Variants in COL6A3 observed in about 807,000 individuals in gnomAD.
COL6A3 encodes collagen type VI alpha 3 chain, also known as collagen alpha-3(VI) chain.
A neutral mutation model predicts 274.1 loss-of-function variants in COL6A3; 137 were observed. That is an observed-to-expected ratio of 0.50 (90% CI 0.44 to 0.58). COL6A3 has a LOEUF of 0.58. Ranked by LOEUF, COL6A3 falls within the 20% of genes least tolerant of loss-of-function variation. The pLI, the probability that COL6A3 is intolerant of heterozygous loss-of-function variation, is 0.00. For missense variants in COL6A3, 3,950 were observed against 4,124.9 expected (o/e 0.96, Z 1.16); for synonymous variants, 1,650 against 1,650.6 (o/e 1.00, Z 0.01).
In COL6A3 at chr2:237,394,799, T is replaced by G. The variant is rs781728804; in HGVS notation, c.497A>C (p.Lys166Thr). The change falls in exon 3 of 44, where the codon AAG (lysine) becomes ACG (threonine). Residue 166 changes from lysine to threonine, a missense_variant. Coordinates refer to ENST00000295550, the MANE Select transcript of COL6A3 (RefSeq NM_004369.4). ...DGLALPSAELKSADVNVFAIG... is the reference protein window; with the variant it reads ...DGLALPSAELTSADVNVFAIG... ...TGCAAACACGTTAACATCAGCAGAC[T>G]TAAGTTCCGCTGAGGGCAGAGCAAG... 14 of 1,614,184 alleles carry G rather than the reference T, an allele frequency of 8.7e-6. No homozygotes were observed. Among genetic ancestry groups the G allele is most frequent in the Non-Finnish European group, 1.2e-5 (14 of 1,180,024 alleles).
rs547463780 is a variant in COL6A3 at position 237,348,736 on chromosome 2, G to C, written c.6880-73C>G. On this transcript the variant is annotated intron_variant, in intron 28 of 43. Transcript: ENST00000295550. ...CCATAACCACCGTCTCTGCCCTGCCGCTGCCCCTGAGAAGTGGATCCTTGA... is the reference window on the plus strand; with the variant it reads ...CCATAACCACCGTCTCTGCCCTGCCCCTGCCCCTGAGAAGTGGATCCTTGA... 6 of 1,367,706 alleles carry C rather than the reference G, an allele frequency of 4.4e-6. No individual in the cohort carries two copies. In the African/African-American group the frequency reaches 8.5e-5, roughly 19 times the overall value. The allele number at this position is 1,367,706 out of a possible 1,614,324, so 84.7% of individuals were successfully genotyped here. A position where few individuals can be genotyped will look rare whatever the true frequency, so the allele number is the denominator to read the frequency against.
intron 26 of COL6A3, among the ~76,000 whole-genome samples, chr2:237,352,287 A>G (rs2077223050): frequency 6.6e-6 from 1 of 152,194 alleles, no homozygotes; most frequent in Non-Finnish European, 1.5e-5. Flanking sequence ...ACTTGGAAGG[A>G]GCAGAATTGA....
At position 237,367,311 on chromosome 2, in the gene COL6A3, A is replaced by T. The variant is rs757546361; in HGVS notation, c.4901-25T>A. ...TCTAGAAGTGATTAAAGTGAAAATAAGGAGAGATTAGGTTTCCAGACCCAG... is the reference window on the plus strand; with the variant it reads ...TCTAGAAGTGATTAAAGTGAAAATATGGAGAGATTAGGTTTCCAGACCCAG... On this transcript the variant is annotated intron_variant, in intron 10 of 43. Coordinates refer to ENST00000295550, the MANE Select transcript of COL6A3 (RefSeq NM_004369.4). The T allele has an allele frequency of 4.4e-6, 7 of 1,603,168 alleles. No homozygotes were observed. In the Admixed American group the frequency reaches 1.0e-4, roughly 24 times the overall value.
Position 237,413,589 on chromosome 2 carries a change from C to T in COL6A3, c.-31+364G>A, listed in dbSNP as rs751227365. On this transcript the variant is annotated intron_variant, in intron 1 of 43. Transcript: ENST00000295550. The surrounding 1 kb of genome is among the most constrained non-coding windows in gnomAD (Gnocchi z 4.0). Reference sequence around the variant, plus strand: ...GAGCTATGCTAGTCCTCAGCAAAGACGCTTCTGCAAACAAAGCGGATCCCG... The same window carrying T: ...GAGCTATGCTAGTCCTCAGCAAAGATGCTTCTGCAAACAAAGCGGATCCCG... Among the ~76,000 whole-genome samples, 17 of 152,130 alleles carry T rather than the reference C, an allele frequency of 1.1e-4. No homozygotes were observed. Among genetic ancestry groups the T allele is most frequent in the South Asian group, 2.1e-4 (1 of 4,828 alleles).
chr2:237,339,026 A>C lies in COL6A3; in HGVS notation c.8556T>G (p.Gly2852=). The C allele has an allele frequency of 6.2e-7, 1 of 1,613,748 alleles. No individual in the cohort carries two copies. Among genetic ancestry groups the C allele is most frequent in the Non-Finnish European group, 8.5e-7 (1 of 1,179,628 alleles). Residue 2852 remains glycine, a synonymous_variant, in exon 39 of 44, where the codon GGT becomes GGG. Transcript: ENST00000295550. ...DQPTKNLVKF[G]HKQVNVPNNV... The stretch of plus-strand genomic sequence containing the variant: ...TTATAATCACTTACACTTGTTTGTG[A>C]CCAAACTTCACAAGGTTCTTTGTGG...
At chr2:237,377,517 A>G (rs1415206955) in intron 6 of COL6A3, among the ~76,000 whole-genome samples, 173 bp from the exon 7 acceptor site, 1 of 152,174 alleles carries the variant, frequency 6.6e-6, no homozygotes, top group Non-Finnish European at 1.5e-5. Flanking sequence ...AAAATGTCCT[A>G]TTTCAAATCA....
chr2:237,351,221 T>C, intron 26 of COL6A3, 29 bp from the exon 27 acceptor site: 1 of 1,611,788 alleles, frequency 6.2e-7, no homozygotes, highest in Non-Finnish European at 8.5e-7. Context: ...AATGTGTCAG[T>C]GAAGTGGCCA....
intron 1 of COL6A3, among the ~76,000 whole-genome samples, chr2:237,403,270 G>T (rs2078638099): frequency 6.6e-6 from 1 of 152,102 alleles, no homozygotes; most frequent in African/African-American, 2.4e-5. Flanking sequence ...TGGGCCCTAG[G>T]CCTGACCCGC....
At position 237,333,367 on chromosome 2, in the gene COL6A3, A is replaced by ACTTAGC. The variant is rs370582838; in HGVS notation, c.9328+82_9328+83insGCTAAG. 6.3e-5 allele frequency: 84 copies of ACTTAGC among 1,325,786 alleles called. No homozygotes were observed. The African/African-American group carries it at 7.4e-4, about 12-fold the overall frequency. The allele number at this position is 1,325,786 out of a possible 1,614,324, so 82.1% of individuals were successfully genotyped here. ...CCATAGAAGTCATGCCTGGGCTAAG[A>ACTTAGC]CTTAGAACCCAGGAAGTTAAATTGG... is the stretch of plus-strand genomic sequence containing the variant. On this transcript the variant is annotated intron_variant, in intron 42 of 43. Coordinates refer to ENST00000295550, the MANE Select transcript of COL6A3 (RefSeq NM_004369.4).
intron 1 of COL6A3, among the ~76,000 whole-genome samples, chr2:237,410,351 G>A (rs902169418): frequency 6.8e-6 from 1 of 147,604 alleles, no homozygotes. Flanking sequence ...TCGCCCAGGC[G>A]CTGAAGTGCA....
chr2:237,351,037 G>A lies in COL6A3; in HGVS notation c.6816+93C>T, dbSNP rs1217765053. The A allele has an allele frequency of 8.2e-6, 10 of 1,222,336 alleles. No homozygotes were observed. The Admixed American group carries it at 1.0e-4, about 12-fold the overall frequency. 75.7% of individuals were successfully genotyped at this position (1,222,336 alleles called of 1,614,324 possible). A position where few individuals can be genotyped will look rare whatever the true frequency, so the allele number is the denominator to read the frequency against. ...GAGTGGGAACCAGTAGTACTGAAGA[G>A]GAGGGACAGACAGACTGACCAAAGA... On this transcript the variant is annotated intron_variant, in intron 27 of 43. Transcript: ENST00000295550.
intron 19 of COL6A3, 25 bp from the exon 20 acceptor site, chr2:237,359,113 C>T (rs369443404): frequency 2.6e-4 from 420 of 1,613,892 alleles, no homozygotes; most frequent in Non-Finnish European, 3.2e-4. Context: ...GATTAAAGGT[C>T]ACACCTGCTG....
chr2:237,352,890 A>G (rs745972217), intron 25 of COL6A3, among the ~76,000 whole-genome samples: 1 of 152,230 alleles, frequency 6.6e-6, no homozygotes, highest in African/African-American at 2.4e-5. Flanking sequence ...TCCATCAACC[A>G]ATGAGTGGAT....
At chr2:237,404,589 T>A (rs1201117166) in intron 1 of COL6A3, among the ~76,000 whole-genome samples, 2 of 152,192 alleles carry the variant, frequency 1.3e-5, no homozygotes, top group Non-Finnish European at 2.9e-5. Context: ...CTGTTGAGTC[T>A]GGGATGGGAA....
chr2:237,396,841 T>C lies in COL6A3; in HGVS notation c.-24A>G, dbSNP rs903642105. ...ATTTTGAATTTGTCTAAGCACCAAA[T>C]ATGAACCTAAAAGAGAAAACAGGGC... On this transcript the variant is annotated 5_prime_UTR_variant, in exon 2 of 44. It adds an upstream start codon to the 5' untranslated region. Transcript: ENST00000295550. The C allele has an allele frequency of 3.7e-6, 6 of 1,608,084 alleles. No homozygotes were observed. Among genetic ancestry groups the C allele is most frequent in the South Asian group, 3.3e-5 (3 of 90,992 alleles).
chr2:237,400,313 A>G (rs909958759), intron 1 of COL6A3, among the ~76,000 whole-genome samples: 3 of 152,216 alleles, frequency 2.0e-5, no homozygotes, highest in East Asian at 3.8e-4. Flanking sequence ...TAAAACTCCA[A>G]ATGCTTACAG....
Position 237,369,149 on chromosome 2 carries a change from G to A in COL6A3, c.4314C>T (p.Val1438=). ...CTCCCTCAGAGCTGTCGATCAGAAA[G>A]ACAATGTCTGCAGCATCACTCTCAA... is the stretch of plus-strand genomic sequence containing the variant. ...PAVESDAADI[V]FLIDSSEGVR... The change falls in exon 10 of 44, where the codon GTC becomes GTT. Residue 1438 remains valine, a synonymous_variant. Coordinates refer to ENST00000295550, the MANE Select transcript of COL6A3 (RefSeq NM_004369.4). 6.2e-7 allele frequency: 1 copy of A among 1,613,186 alleles called. No individual in the cohort carries two copies. The highest frequency in any genetic ancestry group is 8.5e-7 in the Non-Finnish European group (1 of 1,180,046).
chr2:237,332,699 A>AT (rs901167815), intron 42 of COL6A3, among the ~76,000 whole-genome samples: 43 of 152,310 alleles, frequency 2.8e-4, no homozygotes, highest in African/African-American at 9.4e-4. Context: ...TGGCATTTCC[A>AT]TTTTTTATGT....
chr2:237,406,126 C>T (rs1187748826), intron 1 of COL6A3, among the ~76,000 whole-genome samples: 2 of 152,048 alleles, frequency 1.3e-5, no homozygotes, highest in African/African-American at 4.8e-5. Flanking sequence ...AAAAGGATAC[C>T]TTTCATCAGA....
Sources: allele counts gnomAD v4.1 joint callset (sites outside exome capture counted in the v4.1 genomes callset), GRCh38; gene constraint gnomAD v4.1.1; non-coding constraint Gnocchi (gnomAD v3.1); transcripts MANE v1.5; gene names NCBI Gene and HGNC (gene_info 2026-07-23, HGNC 2026-07-21).